CDH18: variants seen among roughly 807,000 people sequenced by gnomAD.
CDH18 encodes the protein cadherin 18.
In CDH18, 31 loss-of-function variants were observed where a neutral mutation model predicts 67.9. The observed-to-expected ratio is 0.46, with a 90% CI of 0.34 to 0.62. The LOEUF (loss-of-function observed/expected upper bound fraction) is 0.62, where lower values mean the gene tolerates loss of function less well. CDH18 is among the 20% of genes least tolerant of loss of function. The pLI is 0.01. For missense variants in CDH18, 890 were observed against 975.5 expected (o/e 0.91, Z 1.17); for synonymous variants, 362 against 347.2 (o/e 1.04, Z -0.48).
chr5:19,726,930 T>C (rs983008898), intron 4 of CDH18, among the ~76,000 whole-genome samples: 1 of 152,164 alleles, frequency 6.6e-6, no homozygotes, highest in African/African-American at 2.4e-5. Context: ...AGCTTCCTCA[T>C]TCCTTCTGCC....
chr5:20,508,435 AG>A (rs1754800683), intron 1 of CDH18, among the ~76,000 whole-genome samples: 1 of 149,294 alleles, frequency 6.7e-6, no homozygotes, highest in Admixed American at 6.7e-5. Context: ...GAAGTCCTGC[AG>A]TAATGAAATT....
chr5:19,519,872 C>T (rs1746612241), intron 10 of CDH18, among the ~76,000 whole-genome samples: 1 of 151,978 alleles, frequency 6.6e-6, no homozygotes, highest in Admixed American at 6.6e-5. Context: ...GGAAGAGATC[C>T]CTGAGCCTCG....
intron 1 of CDH18, among the ~76,000 whole-genome samples, chr5:20,571,546 C>G (rs1206618961): frequency 6.6e-6 from 1 of 152,010 alleles, no homozygotes; most frequent in Non-Finnish European, 1.5e-5. Context: ...TTCCACAGAA[C>G]TTTGTGTATT....
At chr5:19,504,825 T>C (rs1028661921) in intron 10 of CDH18, among the ~76,000 whole-genome samples, 1 of 152,148 alleles carries the variant, frequency 6.6e-6, no homozygotes, top group Non-Finnish European at 1.5e-5. Context: ...CAAGTTTACT[T>C]TTTATCCAAG....
At chr5:19,926,932 A>G (rs1793156677) in intron 2 of CDH18, among the ~76,000 whole-genome samples, 1 of 152,166 alleles carries the variant, frequency 6.6e-6, no homozygotes, top group African/African-American at 2.4e-5. Flanking sequence ...GAAGGAGTCA[A>G]ATAGTTAAAC....
chr5:20,321,343 GT>G (rs1738003350), intron 1 of CDH18, among the ~76,000 whole-genome samples: 1 of 151,984 alleles, frequency 6.6e-6, no homozygotes, highest in Non-Finnish European at 1.5e-5. Flanking sequence ...AACACTGGAT[GT>G]AGTTAGAGTG....
At chr5:19,789,980 G>A (rs1018480095) in intron 3 of CDH18, among the ~76,000 whole-genome samples, 9 of 151,496 alleles carry the variant, frequency 5.9e-5, no homozygotes, top group African/African-American at 9.7e-5. Context: ...AATTACCATC[G>A]TTATTATTCA....
At chr5:20,300,193 T>G (rs1487103422) in intron 1 of CDH18, among the ~76,000 whole-genome samples, 6 of 152,038 alleles carry the variant, frequency 3.9e-5, no homozygotes, top group Admixed American at 3.9e-4. Flanking sequence ...AGCTCCTTAG[T>G]GGTCAGTAGA....
At chr5:19,829,249 ATAGAAAGAGAGGAAGTCAAACTT>A (rs1375968049) in intron 3 of CDH18, among the ~76,000 whole-genome samples, 2 of 152,126 alleles carry the variant, frequency 1.3e-5, no homozygotes, top group Non-Finnish European at 2.9e-5. Flanking sequence ...AACCATCCAA[ATAGAAAGAGAGGAAGTCAAACTT>A]TTTCTGTTTG....
intron 3 of CDH18, among the ~76,000 whole-genome samples, chr5:19,775,011 C>T (rs539926265): frequency 2.4e-4 from 37 of 152,060 alleles, no homozygotes; most frequent in Admixed American, 2.1e-3. Context: ...ACCACCCAGT[C>T]TATGGTACTT....
At chr5:20,141,381 T>C (rs993844201) in intron 2 of CDH18, among the ~76,000 whole-genome samples, 4 of 152,154 alleles carry the variant, frequency 2.6e-5, no homozygotes, top group Admixed American at 2.0e-4. Context: ...TGTACTAACA[T>C]TTTATTCATA....
intron 7 of CDH18, among the ~76,000 whole-genome samples, chr5:19,580,435 C>T (rs1267490172): frequency 6.6e-6 from 1 of 151,762 alleles, no homozygotes; most frequent in African/African-American, 2.4e-5. Context: ...AAAATATTAT[C>T]TAATTCATTT....
intron 2 of CDH18, among the ~76,000 whole-genome samples, chr5:20,204,832 C>G (rs1364870804): frequency 1.3e-5 from 2 of 151,246 alleles, no homozygotes; most frequent in Non-Finnish European, 3.0e-5. Context: ...TCTTTGTGAT[C>G]TAGGTCATCA....
chr5:19,819,446 G>A (rs888512968), intron 3 of CDH18, among the ~76,000 whole-genome samples: 7 of 152,124 alleles, frequency 4.6e-5, no homozygotes, highest in Non-Finnish European at 7.3e-5. Context: ...AAAGTCAATG[G>A]AGAAGTGATG....
chr5:19,649,061 T>A (rs904193134), intron 5 of CDH18, among the ~76,000 whole-genome samples: 2 of 152,218 alleles, frequency 1.3e-5, no homozygotes, highest in Non-Finnish European at 1.5e-5. Flanking sequence ...AGGAAAGAAA[T>A]CGACATGGTA....
At chr5:19,539,874 GAC>G (rs760740733) in intron 9 of CDH18, among the ~76,000 whole-genome samples, 8 of 152,048 alleles carry the variant, frequency 5.3e-5, no homozygotes, top group Non-Finnish European at 1.0e-4. Flanking sequence ...TTTGTGTGGG[GAC>G]ACACAGCCAA....
rs187170499 is a variant in CDH18, at chr5:19,642,005, C to T, written c.644-29404G>A. On this transcript the variant is annotated intron_variant, in intron 5 of 12. Coordinates refer to ENST00000382275, the MANE Select transcript of CDH18 (RefSeq NM_004934.5). ...TAAATCTAGTAAATTTGCAGGATCC[C>T]AAATCAGTACATCAAAATAATTTGT... Among the ~76,000 whole-genome samples the T allele has an allele frequency of 4.5e-3, 689 of 151,564 alleles. 2 individuals carry two copies. The highest frequency in any genetic ancestry group is 7.2e-3 in the Non-Finnish European group (490 of 67,740).
intron 2 of CDH18, among the ~76,000 whole-genome samples, chr5:19,921,302 C>G (rs563764342): frequency 1.7e-3 from 257 of 152,182 alleles, no homozygotes; most frequent in African/African-American, 5.7e-3. Flanking sequence ...GAGGCCAAGG[C>G]GGGCGGATCA....
chr5:20,079,230 T>A (rs1744231460), intron 2 of CDH18, among the ~76,000 whole-genome samples: 1 of 152,236 alleles, frequency 6.6e-6, no homozygotes, highest in South Asian at 2.1e-4. Context: ...AACCCCACAC[T>A]GCAGCCCCTG....
Sources: gnomAD v4.1 joint callset for allele counts (sites outside exome capture counted in the v4.1 genomes callset) on GRCh38, gnomAD v4.1.1 for gene constraint, MANE v1.5 for transcripts, NCBI Gene and HGNC (gene_info 2026-07-23, HGNC 2026-07-21) for gene names.